Variants in HDAC4 observed in about 807,000 individuals in gnomAD.
HDAC4 encodes histone deacetylase A.
A neutral mutation model predicts 135.1 loss-of-function variants in HDAC4; 16 were observed. That is an observed-to-expected ratio of 0.12 (90% confidence interval 0.08 to 0.18). The LOEUF is 0.18. Among genes scored for constraint, HDAC4 ranks in the 10% least tolerant of loss-of-function variants. The pLI is 1.00. For synonymous variants in HDAC4, 685 were observed against 653.4 expected, an observed-to-expected ratio of 1.05 and a Z score of -0.74; for missense variants, 1,143 against 1,511.8, an observed-to-expected ratio of 0.76 and a Z score of 4.05.
At chr2:239,365,493 C>T (rs982554455) in intron 1 of HDAC4, among the ~76,000 whole-genome samples, 12 of 152,182 alleles carry the variant, frequency 7.9e-5, no homozygotes, top group Non-Finnish European at 1.2e-4. Context: ...CTGGAACGTT[C>T]GGAAGATCAG....
intron 3 of HDAC4, among the ~76,000 whole-genome samples, chr2:239,223,023 G>A (rs1056296323): frequency 2.0e-5 from 3 of 152,126 alleles, no homozygotes; most frequent in African/African-American, 4.8e-5. Flanking sequence ...AAACCCAATG[G>A]ATAAAAATAT....
intron 9 of HDAC4, among the ~76,000 whole-genome samples, chr2:239,136,075 C>G (rs1295673860): frequency 6.6e-6 from 1 of 152,184 alleles, no homozygotes; most frequent in East Asian, 1.9e-4. Context: ...ATATCCCCTA[C>G]ACAGTAGCTA....
At chr2:239,390,318 G>A (rs1160059137) in intron 1 of HDAC4, among the ~76,000 whole-genome samples, 1 of 152,176 alleles carries the variant, frequency 6.6e-6, no homozygotes, top group Non-Finnish European at 1.5e-5. Context: ...GACTGTTTGA[G>A]CCCAGGAGTT....
At chr2:239,248,813 C>T (rs2048615594) in intron 2 of HDAC4, among the ~76,000 whole-genome samples, 1 of 152,220 alleles carries the variant, frequency 6.6e-6, no homozygotes, top group South Asian at 2.1e-4. Context: ...AACTGACCCC[C>T]ACTCTGCTGT....
In HDAC4 at chr2:239,129,448, G is replaced by A. The variant is rs575359226; in HGVS notation, c.1295-2754C>T. Among the ~76,000 whole-genome samples the A allele has an allele frequency of 3.1e-4, 47 of 152,340 alleles. No homozygotes were observed. In the East Asian group the frequency reaches 5.8e-3, roughly 19 times the overall value. ...AGGGGCTGGCTGTGTGGTGCTGGGC[G>A]GGGTGTGGGGCAGAGCCTGGCTCCT... On this transcript the variant is annotated intron_variant, in intron 11 of 26. Coordinates refer to ENST00000543185, the MANE Select transcript of HDAC4 (RefSeq NM_001378414.1).
At chr2:239,064,908 C>G (rs2033269002) in intron 24 of HDAC4, among the ~76,000 whole-genome samples, 1 of 152,228 alleles carries the variant, frequency 6.6e-6, no homozygotes, top group African/African-American at 2.4e-5. Context: ...GACAGTGGGC[C>G]AGAGAGTGGA....
At chr2:239,186,185 G>A (rs1031601240) in intron 4 of HDAC4, among the ~76,000 whole-genome samples, 6 of 151,700 alleles carry the variant, frequency 4.0e-5, no homozygotes, top group Admixed American at 6.6e-5. Context: ...AAAGTCCAAG[G>A]GGACCACGAG....
chr2:239,319,047 G>GATC (rs1348217573), intron 2 of HDAC4, among the ~76,000 whole-genome samples: 1 of 151,868 alleles, frequency 6.6e-6, no homozygotes, highest in Non-Finnish European at 1.5e-5. Context: ...TTCTGTGAGG[G>GATC]ATCATTCAAC....
intron 2 of HDAC4, among the ~76,000 whole-genome samples, chr2:239,351,960 G>A (rs1387907136): frequency 6.6e-6 from 1 of 152,114 alleles, no homozygotes; most frequent in Non-Finnish European, 1.5e-5. Context: ...AGGCAGGTCG[G>A]CGGCAGGCCT....
intron 1 of HDAC4, among the ~76,000 whole-genome samples, chr2:239,374,570 A>AT (rs1420868693): frequency 6.7e-6 from 1 of 150,114 alleles, no homozygotes; most frequent in Admixed American, 6.6e-5. Context: ...CGCCCGGCTA[A>AT]TTTTTTGTAT....
intron 3 of HDAC4, among the ~76,000 whole-genome samples, chr2:239,225,487 A>C (rs1356542599): frequency 6.6e-6 from 1 of 152,192 alleles, no homozygotes; most frequent in Non-Finnish European, 1.5e-5. Flanking sequence ...GCATAGCTGG[A>C]CTCCCACCAC....
At chr2:239,133,767 G>A (rs1300079013) in intron 11 of HDAC4, among the ~76,000 whole-genome samples, 3 of 152,120 alleles carry the variant, frequency 2.0e-5, no homozygotes, top group African/African-American at 4.8e-5. Context: ...GTGTCCGGCC[G>A]GTGTGCCCTC....
chr2:239,216,416 C>T (rs910236312), intron 3 of HDAC4, among the ~76,000 whole-genome samples: 1 of 152,144 alleles, frequency 6.6e-6, no homozygotes. Context: ...AGGAGGAAGA[C>T]GATGAGGAGG....
chr2:239,207,060 G>T (rs1449506060), intron 3 of HDAC4, among the ~76,000 whole-genome samples: 1 of 151,928 alleles, frequency 6.6e-6, no homozygotes, highest in East Asian at 1.9e-4. Context: ...ACCTGACCAC[G>T]CCCCAGGGCT....
chr2:239,179,103 G>A (rs968793435), intron 4 of HDAC4, among the ~76,000 whole-genome samples: 1 of 151,690 alleles, frequency 6.6e-6, no homozygotes, highest in East Asian at 1.9e-4. Flanking sequence ...AGAGTGGGGA[G>A]TGCGTGCGAG....
chr2:239,051,940 T>C lies in HDAC4; in HGVS notation c.*1157A>G, dbSNP rs376319727. The C allele has an allele frequency of 9.2e-5, 14 of 151,528 alleles. No homozygotes were observed. The highest frequency in any genetic ancestry group is 1.0e-4 in the Non-Finnish European group (7 of 67,902). 9.4% of individuals were successfully genotyped at this position (151,528 alleles called of 1,614,324 possible). Reference sequence around the variant, plus strand: ...AGTAAGTTTCTTAGCTTGGAATACATTGGAATATATATTATACATATATAT... The same window carrying C: ...AGTAAGTTTCTTAGCTTGGAATACACTGGAATATATATTATACATATATAT... On this transcript the variant is annotated 3_prime_UTR_variant, in exon 27 of 27. Coordinates refer to ENST00000543185, the MANE Select transcript of HDAC4 (RefSeq NM_001378414.1).
intron 6 of HDAC4, among the ~76,000 whole-genome samples, chr2:239,163,168 A>G (rs750781791): frequency 1.7e-4 from 26 of 152,086 alleles, no homozygotes; most frequent in Admixed American, 4.6e-4. Context: ...GTCTCTGTCA[A>G]TTGCGTGGGC....
chr2:239,281,802 ACAATGTACACACCACTCT>A (rs1430922480), intron 2 of HDAC4, among the ~76,000 whole-genome samples: 14 of 146,762 alleles, frequency 9.5e-5, no homozygotes, highest in Non-Finnish European at 1.3e-4. Context: ...ACACCACTCT[ACAATGTACACACCACTCT>A]CAATGTACAC....
In HDAC4 at chr2:239,050,702, C is replaced by G. The variant is rs550283136; in HGVS notation, c.*2395G>C. On this transcript the variant is annotated 3_prime_UTR_variant, in exon 27 of 27. Transcript: ENST00000543185. ...CTCCGAAACTCGGCTCTGGGTCCCT[C>G]CTGAGCACGGTGTGTCTGAACTTCT... The G allele has an allele frequency of 1.4e-4, 22 of 152,792 alleles. 1 individual carries two copies. Among genetic ancestry groups the G allele is most frequent in the Admixed American group, 1.2e-3 (19 of 15,304 alleles). 9.5% of individuals were successfully genotyped at this position (152,792 alleles called of 1,614,324 possible). A position where few individuals can be genotyped will look rare whatever the true frequency, so the allele number is the denominator to read the frequency against.
Sources: gnomAD v4.1 joint callset for allele counts (sites outside exome capture counted in the v4.1 genomes callset) on GRCh38, gnomAD v4.1.1 for gene constraint, MANE v1.5 for transcripts, NCBI Gene and HGNC (gene_info 2026-07-23, HGNC 2026-07-21) for gene names.